PRKCQ: variants seen among roughly 807,000 people sequenced by gnomAD.
PRKCQ encodes protein kinase C theta.
Under a neutral mutation model 91.2 loss-of-function variants are expected in PRKCQ, and 41 were observed. The ratio of observed to expected loss-of-function variants is 0.45; its 90% confidence interval spans 0.35 to 0.58. The LOEUF is 0.58. Among genes scored for constraint, PRKCQ ranks in the 20% least tolerant of loss-of-function variants. PRKCQ has a pLI of 0.00. For synonymous variants in PRKCQ, 307 were observed against 316.9 expected, an observed-to-expected ratio of 0.97 and a Z score of 0.33; for missense variants, 673 against 896.5, an observed-to-expected ratio of 0.75 and a Z score of 3.18.
chr10:6,459,876 T>C (rs1835229473), intron 14 of PRKCQ, among the ~76,000 whole-genome samples: 1 of 152,224 alleles, frequency 6.6e-6, no homozygotes, highest in South Asian at 2.1e-4. Flanking sequence ...TCAAAACTAA[T>C]GTATCAGTTT....
the PRKCQ span, among the ~76,000 whole-genome samples, chr10:6,403,277 G>A: frequency 6.6e-6 from 1 of 152,220 alleles, no homozygotes; most frequent in Non-Finnish European, 1.5e-5. Context: ...CCATAGTGTG[G>A]CAAACACTAA....
intron 1 of PRKCQ, among the ~76,000 whole-genome samples, chr10:6,574,855 C>T (rs1333054263): frequency 6.6e-6 from 1 of 152,192 alleles, no homozygotes; most frequent in Non-Finnish European, 1.5e-5. Context: ...CCAGAACCCC[C>T]ATCTGGCTCA....
Position 6,430,764 on chromosome 10 carries a change from G to T in PRKCQ, c.1965+46C>A. 1.9e-6 allele frequency: 3 copies of T among 1,599,618 alleles called. No homozygotes were observed. Among genetic ancestry groups the T allele is most frequent in the Non-Finnish European group, 2.6e-6 (3 of 1,171,936 alleles). ...CTTGGACAGGCAGACGGCCCTGAGC[G>T]GAGGGAGAGTGGCTGACACCAAGCG... On this transcript the variant is annotated intron_variant, in intron 17 of 17. Coordinates refer to ENST00000263125, the MANE Select transcript of PRKCQ (RefSeq NM_006257.5). This position sits in a 1 kb window ranked among gnomAD's most constrained non-coding sequence, Gnocchi z 4.7.
At chr10:6,433,621 AG>A (rs1833525956) in intron 16 of PRKCQ, among the ~76,000 whole-genome samples, 1 of 152,166 alleles carries the variant, frequency 6.6e-6, no homozygotes, top group Non-Finnish European at 1.5e-5. Context: ...GGGTACTAAA[AG>A]CCCTTCATCA....
intron 15 of PRKCQ, among the ~76,000 whole-genome samples, chr10:6,447,440 T>A (rs1437816264): frequency 2.0e-5 from 3 of 151,368 alleles, no homozygotes; most frequent in Non-Finnish European, 4.4e-5. Context: ...TATTTCCCTG[T>A]TTAACTGCCT....
At chr10:6,566,210 C>T (rs1012594264) in intron 1 of PRKCQ, among the ~76,000 whole-genome samples, 1 of 152,312 alleles carries the variant, frequency 6.6e-6, no homozygotes, top group Middle Eastern at 3.4e-3. Context: ...CTAATTGTAG[C>T]TGAATGACTC....
chr10:6,397,925 A>T, the PRKCQ span, among the ~76,000 whole-genome samples: 1 of 148,820 alleles, frequency 6.7e-6, no homozygotes, highest in Non-Finnish European at 1.5e-5. Context: ...GACTCCGTCT[A>T]AAAAAAAAAG....
intron 1 of PRKCQ, among the ~76,000 whole-genome samples, chr10:6,566,006 G>A (rs1208743951): frequency 6.6e-6 from 1 of 152,062 alleles, no homozygotes; most frequent in Non-Finnish European, 1.5e-5. Flanking sequence ...TTCTTAGAGG[G>A]AGATTTCCTC....
chr10:6,552,089 T>TAAG (rs1840208886), intron 1 of PRKCQ, among the ~76,000 whole-genome samples: 1 of 152,226 alleles, frequency 6.6e-6, no homozygotes, highest in African/African-American at 2.4e-5. Flanking sequence ...GAACTTTTTT[T>TAAG]CATATGCTTG....
chr10:6,411,114 T>C, the PRKCQ span, among the ~76,000 whole-genome samples: 1 of 152,224 alleles, frequency 6.6e-6, no homozygotes, highest in Non-Finnish European at 1.5e-5. Context: ...TCGGTATATT[T>C]TGTAGCCTCT....
chr10:6,560,364 A>G (rs1840582233), intron 1 of PRKCQ, among the ~76,000 whole-genome samples: 4 of 152,110 alleles, frequency 2.6e-5, no homozygotes, highest in Admixed American at 6.6e-5. Context: ...ATTTGCTGGG[A>G]AGCCTACTGG....
At chr10:6,512,854 G>C (rs1196062848) in intron 2 of PRKCQ, among the ~76,000 whole-genome samples, 1 of 152,108 alleles carries the variant, frequency 6.6e-6, no homozygotes, top group Non-Finnish European at 1.5e-5. Flanking sequence ...GGAATAGAAA[G>C]GGGACATTTT....
chr10:6,510,884 G>A (rs1838436409), intron 3 of PRKCQ, 111 bp downstream of exon 3: 1 of 1,232,160 alleles, frequency 8.1e-7, no homozygotes, highest in African/African-American at 1.5e-5. Context: ...AGGGAGCCTG[G>A]TGACCCGAGG....
chr10:6,448,652 C>G (rs1333495674), intron 15 of PRKCQ, among the ~76,000 whole-genome samples: 1 of 152,104 alleles, frequency 6.6e-6, no homozygotes, highest in African/African-American at 2.4e-5. Context: ...CATGATCCAC[C>G]CGCCTCAGCC....
intron 3 of PRKCQ, among the ~76,000 whole-genome samples, chr10:6,509,954 A>G (rs955564199): frequency 1.4e-4 from 22 of 152,322 alleles, no homozygotes; most frequent in Middle Eastern, 3.4e-3. Context: ...TATCATTCCC[A>G]TTTGAAACCT....
chr10:6,448,377 GA>G lies in PRKCQ; in HGVS notation c.1648-6297del, dbSNP rs143886469. ...CAGACCAAGGATGTGCAATGGCAGA[GA>G]GGCACAGTGTGGCCTGGCCAGGGAA... is the stretch of plus-strand genomic sequence containing the variant. On this transcript the variant is annotated intron_variant, in intron 15 of 17. Transcript: ENST00000263125. Among the ~76,000 whole-genome samples, 186 of 152,152 alleles carry G rather than the reference GA, an allele frequency of 1.2e-3. 1 individual carries two copies. The highest frequency in any genetic ancestry group is 1.7e-3 in the East Asian group (9 of 5,152).
chr10:6,561,709 A>ATGTT (rs1269254589), intron 1 of PRKCQ, among the ~76,000 whole-genome samples: 1 of 152,240 alleles, frequency 6.6e-6, no homozygotes, highest in Non-Finnish European at 1.5e-5. Context: ...TGACTCAAGA[A>ATGTT]TGTTAATCTG....
At chr10:6,510,495 A>C (rs1364386982) in intron 3 of PRKCQ, among the ~76,000 whole-genome samples, 8 of 152,234 alleles carry the variant, frequency 5.3e-5, no homozygotes, top group African/African-American at 1.9e-4. Flanking sequence ...AAGTGTATTG[A>C]TGAAGTTTAA....
the PRKCQ span, among the ~76,000 whole-genome samples, chr10:6,397,115 T>C: frequency 6.6e-6 from 1 of 152,346 alleles, no homozygotes; most frequent in Non-Finnish European, 1.5e-5. Context: ...TGCCTGTTTT[T>C]TTTTTGAGTC....
Sources: allele counts gnomAD v4.1 joint callset (sites outside exome capture counted in the v4.1 genomes callset), GRCh38; gene constraint gnomAD v4.1.1; non-coding constraint Gnocchi (gnomAD v3.1); transcripts MANE v1.5; gene names NCBI Gene and HGNC (gene_info 2026-07-23, HGNC 2026-07-21).